ISY1: variants seen among roughly 807,000 people sequenced by gnomAD.
ISY1 encodes pre-mRNA-splicing factor ISY1 homolog.
Under a neutral mutation model 54.4 loss-of-function variants are expected in ISY1, and 12 were observed. That is an observed-to-expected ratio of 0.22 (90% CI 0.14 to 0.36). The LOEUF is 0.36. Among genes scored for constraint, ISY1 ranks in the 10% least tolerant of loss-of-function variants. The probability of loss-of-function intolerance (pLI) is 1.00; values close to 1 mark genes in which losing one functional copy is unlikely to be tolerated. For missense variants in ISY1, 282 were observed against 342.2 expected (o/e 0.82, Z 1.39); for synonymous variants, 96 against 117.9 (o/e 0.81, Z 1.20).
At chr3:129,158,029 T>C (rs1178954448) in intron 3 of ISY1, among the ~76,000 whole-genome samples, 1 of 151,832 alleles carries the variant, frequency 6.6e-6, no homozygotes, top group East Asian at 1.9e-4. Flanking sequence ...CAGCTAATTT[T>C]TGTATTTTTA....
At chr3:129,139,678 T>G (rs1024620112) in intron 7 of ISY1, among the ~76,000 whole-genome samples, 1 of 152,044 alleles carries the variant, frequency 6.6e-6, no homozygotes, top group Non-Finnish European at 1.5e-5. Flanking sequence ...GTTTCGCTCT[T>G]GCTGTCCAGG....
chr3:129,145,945 T>C lies in ISY1; in HGVS notation c.188-72A>G, dbSNP rs575175223. The C allele has an allele frequency of 7.2e-5, 102 of 1,420,374 alleles. 1 individual carries two copies. The East Asian group carries it at 2.0e-3, about 27-fold the overall frequency. 88.0% of individuals were successfully genotyped at this position (1,420,374 alleles called of 1,614,324 possible). A position where few individuals can be genotyped will look rare whatever the true frequency, so the allele number is the denominator to read the frequency against. ...CAACACCTCTAACACGTACACTTAG[T>C]ATCATATCCTTAAAATGAATGTCAA... On this transcript the variant is annotated intron_variant, in intron 5 of 10. Coordinates refer to ENST00000393295, the MANE Select transcript of ISY1 (RefSeq NM_020701.4).
At chr3:129,143,667 AT>A (rs1344160078) in intron 6 of ISY1, among the ~76,000 whole-genome samples, 1 of 151,196 alleles carries the variant, frequency 6.6e-6, no homozygotes, top group Non-Finnish European at 1.5e-5. Flanking sequence ...TGTATTTTTT[AT>A]ATCTTATAAT....
Position 129,145,684 on chromosome 3 carries a change from T to A in ISY1, c.300+77A>T. The A allele has an allele frequency of 7.0e-6, 10 of 1,419,518 alleles. No homozygotes were observed. The South Asian group carries it at 1.2e-4, about 17-fold the overall frequency. The allele number at this position is 1,419,518 out of a possible 1,614,324, so 87.9% of individuals were successfully genotyped here. ...TAGCTTTCCTGTATCAAGCGACTAC[T>A]ATGGCAAGAATGAGCTGGGAACTGC... On this transcript the variant is annotated intron_variant, in intron 6 of 10. Coordinates refer to ENST00000393295, the MANE Select transcript of ISY1 (RefSeq NM_020701.4).
chr3:129,152,371 G>A (rs1284273549), intron 5 of ISY1, among the ~76,000 whole-genome samples: 2 of 151,636 alleles, frequency 1.3e-5, no homozygotes, highest in East Asian at 3.9e-4. Flanking sequence ...ATCCTCCTTA[G>A]TTGTGATGTA....
rs1936212107 is a variant in ISY1 at position 129,130,623 on chromosome 3, C to T, written c.677G>A (p.Gly226Asp). ...GTCGTCCCCTCCTTTCTCCTGGCTG[C>T]CTTCCTCGTCCGACTACAAACAGAA... ...AVTEEESDEE[G>D]SQEKGGDDSQ... Residue 226 changes from glycine to aspartate, a missense_variant, in exon 10 of 11, where the codon GGC becomes GAC. Transcript: ENST00000393295. 9 of 1,614,134 alleles carry T rather than the reference C, an allele frequency of 5.6e-6. No homozygotes were observed. The highest frequency in any genetic ancestry group is 6.8e-6 in the Non-Finnish European group (8 of 1,180,014).
intron 5 of ISY1, among the ~76,000 whole-genome samples, chr3:129,150,086 A>T (rs1936921040): frequency 6.6e-6 from 1 of 152,084 alleles, no homozygotes; most frequent in South Asian, 2.1e-4. Flanking sequence ...CCAATACCAC[A>T]TTATCTGGAA....
intron 5 of ISY1, among the ~76,000 whole-genome samples, chr3:129,151,420 G>A (rs1308030000): frequency 6.6e-6 from 1 of 151,676 alleles, no homozygotes. Flanking sequence ...CCTGAGGTTG[G>A]GAGTTCGAGA....
At chr3:129,156,597 G>A in intron 5 of ISY1, 36 bp downstream of exon 5, 2 of 1,601,452 alleles carry the variant, frequency 1.2e-6, no homozygotes, top group Non-Finnish European at 8.5e-7. Context: ...TTGTGGATTT[G>A]AGAATCAAGC....
chr3:129,149,957 G>C (rs1936912888), intron 5 of ISY1, among the ~76,000 whole-genome samples: 1 of 143,200 alleles, frequency 7.0e-6, no homozygotes, highest in Non-Finnish European at 1.5e-5. Flanking sequence ...CTGGGTGACA[G>C]AGAAAGGCTC....
chr3:129,159,497 G>A (rs1437944987), intron 1 of ISY1, among the ~76,000 whole-genome samples: 2 of 151,934 alleles, frequency 1.3e-5, no homozygotes, highest in Non-Finnish European at 2.9e-5. Context: ...CAGTTAGGCT[G>A]GTGTCCTCTA....
At chr3:129,133,306 A>C (rs1936287371) in intron 9 of ISY1, among the ~76,000 whole-genome samples, 1 of 152,244 alleles carries the variant, frequency 6.6e-6, no homozygotes, top group Non-Finnish European at 1.5e-5. Context: ...AAAGATCAGA[A>C]AATATGCAAA....
chr3:129,136,189 C>T (rs1398328917), intron 7 of ISY1, among the ~76,000 whole-genome samples: 2 of 151,778 alleles, frequency 1.3e-5, no homozygotes, highest in Non-Finnish European at 1.5e-5. Flanking sequence ...GCAACCTCTG[C>T]ATCCCGGGTT....
chr3:129,146,055 AAC>A (rs1236113450), intron 5 of ISY1, among the ~76,000 whole-genome samples, 182 bp from the exon 6 acceptor site: 4 of 152,150 alleles, frequency 2.6e-5, no homozygotes, highest in East Asian at 1.9e-4. Flanking sequence ...AAGAATTATA[AAC>A]AGAGTTCCCA....
chr3:129,158,156 A>AG (rs1937200750), intron 3 of ISY1, among the ~76,000 whole-genome samples: 59 of 128,872 alleles, frequency 4.6e-4, no homozygotes, highest in African/African-American at 1.7e-3. Context: ...ACTGCACCCT[A>AG]CTTTTTTTTT....
rs145535603 is a variant in ISY1 at position 129,148,979 on chromosome 3, T to C, written c.188-3106A>G. Among the ~76,000 whole-genome samples, 753 of 152,306 alleles carry C rather than the reference T, an allele frequency of 4.9e-3. 3 individuals are homozygous for C. The Middle Eastern group carries it at 0.058, about 12-fold the overall frequency. ...GAGTTATTTGTCATCCCCTTCTCCA[T>C]TGAATTGTTTTCATAACTTTGTCAA... On this transcript the variant is annotated intron_variant, in intron 5 of 10. Transcript: ENST00000393295.
In ISY1 at chr3:129,138,112, T is replaced by C. The variant is rs112912989; in HGVS notation, c.418+2256A>G. On this transcript the variant is annotated intron_variant, in intron 7 of 10. Transcript: ENST00000393295. The stretch of plus-strand genomic sequence containing the variant: ...TAACATGGTGAAACCCCGTCTCTAC[T>C]AAAAAAACACAAAAACTTTGCCGGG... Among the ~76,000 whole-genome samples the C allele has an allele frequency of 3.6e-3, 530 of 146,886 alleles. 1 individual carries two copies. The highest frequency in any genetic ancestry group is 0.013 in the African/African-American group (499 of 39,678).
chr3:129,132,389 C>T (rs1213016547), intron 9 of ISY1, among the ~76,000 whole-genome samples: 2 of 152,182 alleles, frequency 1.3e-5, no homozygotes, highest in Admixed American at 6.5e-5. Flanking sequence ...CTCTTCCCCA[C>T]AACGCCAGCT....
At chr3:129,145,635 G>T in intron 6 of ISY1, 126 bp downstream of exon 6, 2 of 851,392 alleles carry the variant, frequency 2.3e-6, no homozygotes, top group Non-Finnish European at 3.6e-6. Flanking sequence ...AGGTCTTCCA[G>T]CATCATCCTA....
Sources: allele counts gnomAD v4.1 joint callset (sites outside exome capture counted in the v4.1 genomes callset), GRCh38; gene constraint gnomAD v4.1.1; transcripts MANE v1.5; gene names NCBI Gene and HGNC (gene_info 2026-07-23, HGNC 2026-07-21).